NOL4L: variants seen among roughly 807,000 people sequenced by gnomAD.
NOL4L encodes nucleolar protein 4 like, also known as nucleolar protein 4-like.
NOL4L carries 7 observed loss-of-function variants against 64.5 expected under a neutral mutation model. The ratio of observed to expected loss-of-function variants is 0.11; its 90% CI spans 0.06 to 0.20. The LOEUF is 0.20. Ranked by LOEUF, NOL4L falls within the 10% of genes least tolerant of loss-of-function variation. The pLI is 1.00. For synonymous variants in NOL4L, 413 were observed against 401.0 expected, an observed-to-expected ratio of 1.03 and a Z score of -0.36; for missense variants, 680 against 967.1, an observed-to-expected ratio of 0.70 and a Z score of 3.94.
At chr20:32,484,290 G>T (rs2015945186) in intron 4 of NOL4L, among the ~76,000 whole-genome samples, 1 of 151,782 alleles carries the variant, frequency 6.6e-6, no homozygotes, top group Non-Finnish European at 1.5e-5. Context: ...AGCCAGGCAC[G>T]TGGCCGGCTC....
chr20:32,453,734 CG>C lies in NOL4L; in HGVS notation c.1146del (p.Tyr382Ter). ...PESPPYSSGS[Y>X]DSIKTEVSGC... ...CCGCTGACCTCGGTCTTGATGGAAT[CG>C]TAGCTCCCAGAGCTGTAGGGGGGGG... On this transcript the variant is annotated frameshift_variant, in exon 7 of 11. Coordinates refer to ENST00000621426, the MANE Select transcript of NOL4L (RefSeq NM_001256798.2). LOFTEE classifies it high-confidence loss of function. The surrounding 1 kb of genome is among the most constrained non-coding windows in gnomAD (Gnocchi z 5.6). The C allele has an allele frequency of 6.4e-7, 1 of 1,555,130 alleles. No homozygotes were observed. The highest frequency in any genetic ancestry group is 8.7e-7 in the Non-Finnish European group (1 of 1,148,772).
At chr20:32,548,660 TC>T in intron 1 of NOL4L, 1 of 291,440 alleles carries the variant, frequency 3.4e-6, no homozygotes. Context: ...GAAAATTGGT[TC>T]CCTGTCTGTG....
chr20:32,484,876 A>G (rs2015987996), intron 4 of NOL4L, among the ~76,000 whole-genome samples: 1 of 151,424 alleles, frequency 6.6e-6, no homozygotes, highest in Non-Finnish European at 1.5e-5. Flanking sequence ...TCGGCCCGAA[A>G]AGCAACACTC....
intron 1 of NOL4L, among the ~76,000 whole-genome samples, chr20:32,583,543 CG>C (rs1182165532): frequency 1.5e-5 from 2 of 133,258 alleles, no homozygotes; most frequent in Non-Finnish European, 3.3e-5. Flanking sequence ...GCAAGGAGGG[CG>C]GGGGGAGGCC....
chr20:32,475,209 A>G (rs967767958), intron 4 of NOL4L: 1 of 985,058 alleles, frequency 1.0e-6, no homozygotes, highest in Non-Finnish European at 1.2e-6. Context: ...TGGCGCCCTG[A>G]CTCCCATGAA....
chr20:32,514,685 G>A (rs764011929), intron 3 of NOL4L, among the ~76,000 whole-genome samples: 6 of 151,992 alleles, frequency 3.9e-5, no homozygotes, highest in Non-Finnish European at 5.9e-5. Context: ...ACCTCAGTGG[G>A]GTTTTAAACC....
chr20:32,503,801 T>A lies in NOL4L; in HGVS notation c.699+7546A>T, dbSNP rs80276947. Among the ~76,000 whole-genome samples, 508 of 152,296 alleles carry A rather than the reference T, an allele frequency of 3.3e-3. 5 individuals carry two copies. The highest frequency in any genetic ancestry group is 0.011 in the African/African-American group (475 of 41,572). ...GGTCTGGAGTGTCACTGGGAAACTG[T>A]CTTTGATCATCATAAAATATCACAC... On this transcript the variant is annotated intron_variant, in intron 4 of 10. Transcript: ENST00000621426.
At chr20:32,541,839 G>C (rs1361843743) in intron 1 of NOL4L, among the ~76,000 whole-genome samples, 1 of 152,264 alleles carries the variant, frequency 6.6e-6, no homozygotes, top group Admixed American at 6.5e-5. Context: ...AATTTAGATG[G>C]AGTGATTGTA....
At chr20:32,447,901 C>G in intron 10 of NOL4L, 85 bp from the exon 11 acceptor site, 1 of 1,480,620 alleles carries the variant, frequency 6.8e-7, no homozygotes, top group Non-Finnish European at 9.0e-7. Context: ...CTGTCATAAC[C>G]TATGGCCTAG....
At chr20:32,546,616 T>C (rs192583256) in intron 1 of NOL4L, among the ~76,000 whole-genome samples, 45 of 152,308 alleles carry the variant, frequency 3.0e-4, no homozygotes, top group African/African-American at 1.0e-3. Context: ...TTTGTATTTT[T>C]AGTAGAGACA....
intron 4 of NOL4L, among the ~76,000 whole-genome samples, chr20:32,492,637 A>G (rs1322593329): frequency 6.6e-6 from 1 of 152,188 alleles, no homozygotes; most frequent in African/African-American, 2.4e-5. Context: ...AGCAGCCTGG[A>G]GCTCGCTGTA....
chr20:32,535,194 G>C (rs1311436896), intron 1 of NOL4L, among the ~76,000 whole-genome samples: 1 of 151,496 alleles, frequency 6.6e-6, no homozygotes, highest in African/African-American at 2.4e-5. Context: ...TGATTGAAGA[G>C]AGGGTATTGC....
intron 5 of NOL4L, among the ~76,000 whole-genome samples, chr20:32,458,313 G>A (rs2013740744): frequency 6.6e-6 from 1 of 152,202 alleles, no homozygotes. Flanking sequence ...CTGAGCAGAT[G>A]GCAGCCAGCC....
intron 1 of NOL4L, 42 bp from the exon 2 acceptor site, chr20:32,527,955 G>T: frequency 6.5e-7 from 1 of 1,537,306 alleles, no homozygotes; most frequent in South Asian, 1.2e-5. Context: ...CAGGAATGAT[G>T]GCGGGGTGAG....
intron 3 of NOL4L, among the ~76,000 whole-genome samples, chr20:32,514,169 G>A (rs920845397): frequency 1.3e-5 from 2 of 152,116 alleles, no homozygotes; most frequent in Non-Finnish European, 2.9e-5. Context: ...GTCACATATA[G>A]AATGTTTCAT....
At chr20:32,519,429 G>C (rs1189238509) in intron 3 of NOL4L, 2 of 151,998 alleles carry the variant, frequency 1.3e-5, no homozygotes, top group African/African-American at 4.8e-5. Flanking sequence ...GTGCCACCCG[G>C]ATAAACGGCG....
chr20:32,571,964 C>A (rs1979770155), intron 1 of NOL4L, among the ~76,000 whole-genome samples: 2 of 152,214 alleles, frequency 1.3e-5, no homozygotes, highest in South Asian at 4.1e-4. Flanking sequence ...GAGGGTGAAC[C>A]CTACCAACAG....
intron 1 of NOL4L, chr20:32,532,414 A>G: frequency 1.0e-6 from 1 of 983,718 alleles, no homozygotes; most frequent in Non-Finnish European, 1.2e-6. Flanking sequence ...TTCAAGGAGA[A>G]CCCTGAGAAG....
chr20:32,515,183 G>A (rs2017596441), intron 3 of NOL4L, among the ~76,000 whole-genome samples: 1 of 152,162 alleles, frequency 6.6e-6, no homozygotes, highest in Non-Finnish European at 1.5e-5. Flanking sequence ...TGTCTCCAGA[G>A]ATGAGAAACC....
Sources: allele counts gnomAD v4.1 joint callset (sites outside exome capture counted in the v4.1 genomes callset), GRCh38; gene constraint gnomAD v4.1.1; non-coding constraint Gnocchi (gnomAD v3.1); transcripts MANE v1.5; gene names NCBI Gene and HGNC (gene_info 2026-07-23, HGNC 2026-07-21).